MYRIP: variants seen among roughly 807,000 people sequenced by gnomAD.
MYRIP encodes the protein rab effector MyRIP.
Under a neutral mutation model 98.0 loss-of-function variants are expected in MYRIP, and 49 were observed. That is an observed-to-expected ratio of 0.50 (90% CI 0.40 to 0.63). MYRIP has a LOEUF of 0.63. Among genes scored for constraint, MYRIP ranks in the 30% least tolerant of loss-of-function variants. MYRIP has a pLI of 0.00. For synonymous variants in MYRIP, 404 were observed against 409.5 expected (o/e 0.99, Z 0.16); for missense variants, 1,004 against 1,058.2 (o/e 0.95, Z 0.71).
At chr3:40,029,731 T>C (rs144314668) in intron 2 of MYRIP, among the ~76,000 whole-genome samples, 219 of 152,088 alleles carry the variant, frequency 1.4e-3, no homozygotes, top group African/African-American at 5.0e-3. Flanking sequence ...TAAAAAACCC[T>C]TACAACACAC....
chr3:40,155,083 T>C (rs543961863), intron 4 of MYRIP, among the ~76,000 whole-genome samples: 32 of 152,056 alleles, frequency 2.1e-4, no homozygotes, highest in African/African-American at 6.8e-4. Context: ...GCTGGTGCGC[T>C]GCACCCACTA....
chr3:40,105,906 CA>C (rs1949042264), intron 3 of MYRIP, among the ~76,000 whole-genome samples: 1 of 152,114 alleles, frequency 6.6e-6, no homozygotes, highest in Admixed American at 6.6e-5. Flanking sequence ...TCTCCCTAGA[CA>C]TGTGGGGATT....
rs113145673 is a variant in MYRIP, at chr3:40,022,456, G to A, written c.111-21594G>A. On this transcript the variant is annotated intron_variant, in intron 2 of 16. Coordinates refer to ENST00000302541, the MANE Select transcript of MYRIP (RefSeq NM_015460.4). ...GGAATGGCACAGCATGTGGAGGAAA[G>A]GACACAGGCATGCACAGGGATGGAG... Among the ~76,000 whole-genome samples the A allele has an allele frequency of 1.1e-3, 174 of 152,310 alleles. 1 individual carries two copies. The highest frequency in any genetic ancestry group is 4.0e-3 in the African/African-American group (167 of 41,570).
chr3:40,118,387 A>G (rs2125908461), intron 3 of MYRIP, among the ~76,000 whole-genome samples: 1 of 152,258 alleles, frequency 6.6e-6, no homozygotes, highest in African/African-American at 2.4e-5. Flanking sequence ...ATGCAAAGGG[A>G]CAGGTGTAAA....
intron 3 of MYRIP, among the ~76,000 whole-genome samples, chr3:40,111,606 G>C (rs1309986759): frequency 6.6e-6 from 1 of 152,212 alleles, no homozygotes. Context: ...GCCAGGGACT[G>C]TGGACAGTGC....
chr3:40,081,498 T>G (rs894171054), intron 3 of MYRIP, among the ~76,000 whole-genome samples: 1 of 152,212 alleles, frequency 6.6e-6, no homozygotes, highest in Non-Finnish European at 1.5e-5. Context: ...TTTGTTTACA[T>G]CTGTCCTTCG....
chr3:40,130,544 A>AT (rs1342024914), intron 3 of MYRIP, among the ~76,000 whole-genome samples: 20 of 150,064 alleles, frequency 1.3e-4, no homozygotes, highest in Admixed American at 3.3e-4. Flanking sequence ...CGCCCGGCTA[A>AT]TTTTTTTTTG....
In MYRIP at chr3:40,233,947, G is replaced by A; in HGVS notation, c.1994G>A (p.Gly665Glu). The stretch of plus-strand genomic sequence containing the variant: ...GAGGAGTTGATAGCAGGATCTACAG[G>A]GCCCTGGGAGTCCCCACAAGTCCCT... ...ATEELIAGST[G>E]PWESPQVPPD... Residue 665 changes from glycine to glutamate, a missense_variant, in exon 12 of 17, where the codon GGG becomes GAG. Physicochemically the swap from Gly to Glu is moderately conservative, Grantham distance 98. This residue lies in a region of MYRIP where 880 missense variants were observed against 907.7 expected (regional missense o/e 0.97). Transcript: ENST00000302541. The A allele has an allele frequency of 6.2e-7, 1 of 1,613,882 alleles. No homozygotes were observed. The highest frequency in any genetic ancestry group is 8.5e-7 in the Non-Finnish European group (1 of 1,179,924).
At chr3:39,825,575 G>A (rs892210014) in intron 1 of MYRIP, among the ~76,000 whole-genome samples, 3 of 152,032 alleles carry the variant, frequency 2.0e-5, no homozygotes, top group African/African-American at 7.2e-5. Flanking sequence ...TTTTTGACAT[G>A]TTGTGGGTTT....
chr3:40,239,750 G>T (rs1952939701), intron 12 of MYRIP, among the ~76,000 whole-genome samples: 2 of 136,802 alleles, frequency 1.5e-5, no homozygotes, highest in East Asian at 2.1e-4. Flanking sequence ...TTTTTGATGG[G>T]GTTGTTTGTT....
intron 1 of MYRIP, among the ~76,000 whole-genome samples, chr3:39,851,543 G>GCA (rs1479667750): frequency 1.3e-5 from 2 of 152,168 alleles, no homozygotes; most frequent in Non-Finnish European, 2.9e-5. Flanking sequence ...CACCAAGTAT[G>GCA]GCCAACAGAA....
At chr3:40,158,514 G>C (rs943107388) in intron 4 of MYRIP, among the ~76,000 whole-genome samples, 1 of 152,054 alleles carries the variant, frequency 6.6e-6, no homozygotes, top group African/African-American at 2.4e-5. Flanking sequence ...TATTAGGTGT[G>C]CTTGGTGCAG....
At chr3:39,963,376 A>G in intron 2 of MYRIP, among the ~76,000 whole-genome samples, 1 of 152,138 alleles carries the variant, frequency 6.6e-6, no homozygotes, top group East Asian at 1.9e-4. Flanking sequence ...AGTTAAGCCT[A>G]TCTAATCTCT....
chr3:40,176,135 G>T (rs983679894), intron 8 of MYRIP, among the ~76,000 whole-genome samples: 2 of 152,200 alleles, frequency 1.3e-5, no homozygotes, highest in African/African-American at 4.8e-5. Context: ...AAAACTGTTG[G>T]TCAAGCTTCT....
intron 3 of MYRIP, among the ~76,000 whole-genome samples, chr3:40,051,113 G>C (rs944294341): frequency 1.3e-5 from 2 of 152,144 alleles, no homozygotes; most frequent in Non-Finnish European, 2.9e-5. Context: ...GGGTTTGAGA[G>C]GATTGACTTC....
At chr3:40,023,543 AC>A (rs1947051084) in intron 2 of MYRIP, among the ~76,000 whole-genome samples, 1 of 151,804 alleles carries the variant, frequency 6.6e-6, no homozygotes, top group Non-Finnish European at 1.5e-5. Context: ...TACTGATGGG[AC>A]CCCCACTGCA....
chr3:39,975,470 G>T (rs1206515167), intron 2 of MYRIP, among the ~76,000 whole-genome samples: 3 of 151,860 alleles, frequency 2.0e-5, no homozygotes, highest in African/African-American at 4.8e-5. Context: ...TGGCCATACT[G>T]CCCAAGGTAA....
chr3:40,125,380 C>T (rs1468644526), intron 3 of MYRIP, among the ~76,000 whole-genome samples: 1 of 152,180 alleles, frequency 6.6e-6, no homozygotes, highest in Non-Finnish European at 1.5e-5. Flanking sequence ...GCATCCAGCA[C>T]GGGAGAAAGA....
At chr3:40,120,144 C>A (rs1949370816) in intron 3 of MYRIP, among the ~76,000 whole-genome samples, 1 of 152,098 alleles carries the variant, frequency 6.6e-6, no homozygotes, top group Non-Finnish European at 1.5e-5. Flanking sequence ...CAACTTCAAC[C>A]AAAGTATTTT....
Sources: gnomAD v4.1 joint callset for allele counts (sites outside exome capture counted in the v4.1 genomes callset) on GRCh38, gnomAD v4.1.1 for gene constraint, gnomAD v4.1.1 regional missense constraint, MANE v1.5 for transcripts, NCBI Gene and HGNC (gene_info 2026-07-23, HGNC 2026-07-21) for gene names.